Variants in PALM2AKAP2 observed in about 807,000 individuals in gnomAD.
The protein encoded by PALM2AKAP2 is PALM2 and AKAP2 fusion, also known as PALM2-AKAP2 fusion protein.
PALM2AKAP2 carries 37 observed loss-of-function variants against 71.5 expected under a neutral mutation model. The observed-to-expected ratio is 0.52, with a 90% CI of 0.40 to 0.68. The LOEUF (loss-of-function observed/expected upper bound fraction) is 0.68, where lower values mean the gene tolerates loss of function less well. Ranked by LOEUF, PALM2AKAP2 falls within the 30% of genes least tolerant of loss-of-function variation. The pLI is 0.00. For synonymous variants in PALM2AKAP2, 468 were observed against 478.8 expected (o/e 0.98, Z 0.29); for missense variants, 1,224 against 1,191.8 (o/e 1.03, Z -0.40).
At chr9:109,841,238 C>A (rs949416669) in intron 1 of PALM2AKAP2, among the ~76,000 whole-genome samples, 4 of 151,388 alleles carry the variant, frequency 2.6e-5, no homozygotes, top group Non-Finnish European at 4.4e-5. Context: ...AAGCTGGAAA[C>A]CATCATTCTC....
chr9:109,856,034 G>C (rs992358015), intron 1 of PALM2AKAP2, among the ~76,000 whole-genome samples: 3 of 152,110 alleles, frequency 2.0e-5, no homozygotes, highest in African/African-American at 7.2e-5. Flanking sequence ...GCTAACAAGA[G>C]GAAAAACTGT....
At chr9:109,895,986 C>A (rs1009336150) in intron 3 of PALM2AKAP2, among the ~76,000 whole-genome samples, 2 of 152,076 alleles carry the variant, frequency 1.3e-5, no homozygotes, top group African/African-American at 2.4e-5. Flanking sequence ...GAGTTTGAGA[C>A]CAGCTTGGCC....
At chr9:109,779,966 G>A (rs899328896), upstream of PALM2AKAP2, among the ~76,000 whole-genome samples, 2 of 151,952 alleles carry the variant, frequency 1.3e-5, no homozygotes, top group Admixed American at 6.6e-5. Context: ...GTGTCCACGC[G>A]GGCGCGCCAC....
intron 6 of PALM2AKAP2, among the ~76,000 whole-genome samples, chr9:110,003,079 G>C (rs1251167559): frequency 6.6e-6 from 1 of 152,158 alleles, no homozygotes; most frequent in Non-Finnish European, 1.5e-5. Flanking sequence ...GCTAGCTTTT[G>C]AACGTGTTTG....
chr9:110,103,039 C>G (rs552353936), intron 1 of PALM2AKAP2, among the ~76,000 whole-genome samples: 16 of 152,250 alleles, frequency 1.1e-4, no homozygotes, highest in African/African-American at 3.9e-4. Flanking sequence ...TTCTACCCAC[C>G]CTTTGTGACT....
At chr9:109,688,965 C>A (rs7862056) in intron 1 of PALM2AKAP2, among the ~76,000 whole-genome samples, 1 of 152,090 alleles carries the variant, frequency 6.6e-6, no homozygotes, top group Non-Finnish European at 1.5e-5. Context: ...CAGTTGTTAT[C>A]GTCATCTGGG....
rs529989689 is a variant in PALM2AKAP2, at chr9:109,877,557, TA to T, written c.127-2991del. Among the ~76,000 whole-genome samples, 173 of 152,258 alleles carry T rather than the reference TA, an allele frequency of 1.1e-3. 1 individual carries two copies. Among genetic ancestry groups the T allele is most frequent in the African/African-American group, 3.9e-3 (163 of 41,554 alleles). On this transcript the variant is annotated intron_variant, in intron 2 of 9. Coordinates refer to the PALM2AKAP2 transcript ENST00000302798. ...GGTATTTTACTTGTTCTTTCTTAGG[TA>T]AATAAAGCAGAGGCCAAGGGAACAG...
intron 6 of PALM2AKAP2, among the ~76,000 whole-genome samples, chr9:109,997,507 T>C (rs1259572607): frequency 1.3e-5 from 2 of 152,172 alleles, no homozygotes; most frequent in Admixed American, 6.5e-5. Context: ...TATACACATA[T>C]ATATATTTGA....
At chr9:110,117,044 C>T (rs899234260) in intron 1 of PALM2AKAP2, among the ~76,000 whole-genome samples, 9 of 152,174 alleles carry the variant, frequency 5.9e-5, no homozygotes, top group Non-Finnish European at 1.3e-4. Context: ...TACTCTCAAT[C>T]CTTGCTTTTC....
chr9:110,004,886 C>T (rs1832748845), intron 6 of PALM2AKAP2, among the ~76,000 whole-genome samples: 1 of 152,192 alleles, frequency 6.6e-6, no homozygotes, highest in Non-Finnish European at 1.5e-5. Flanking sequence ...CCATCAGGTC[C>T]TTTAAGGACT....
intron 7 of PALM2AKAP2, among the ~76,000 whole-genome samples, chr9:110,041,785 G>C (rs1268630587): frequency 6.6e-6 from 1 of 152,180 alleles, no homozygotes; most frequent in Non-Finnish European, 1.5e-5. Flanking sequence ...TCAAGTAAGG[G>C]CGACTGTGTC....
chr9:109,924,560 A>C (rs1474878255), intron 4 of PALM2AKAP2, among the ~76,000 whole-genome samples: 1 of 152,228 alleles, frequency 6.6e-6, no homozygotes, highest in Non-Finnish European at 1.5e-5. Flanking sequence ...AGATTACGCC[A>C]CTGCACTCCA....
intron 1 of PALM2AKAP2, among the ~76,000 whole-genome samples, chr9:109,856,025 C>A (rs1244761890): frequency 2.0e-5 from 3 of 152,140 alleles, no homozygotes; most frequent in Non-Finnish European, 4.4e-5. Context: ...AAAGATATAG[C>A]TAACAAGAGG....
rs573400840 is a variant in PALM2AKAP2, at chr9:110,086,391, G to A, written c.156+37536G>A. 2.6e-5 allele frequency among the ~76,000 whole-genome samples: 4 copies of A among 152,338 alleles called. No homozygotes were observed. The East Asian group carries it at 7.7e-4, about 29-fold the overall frequency. ...AAGTTAATGTCTATGAGAGCACCCA[G>A]CACATAGTAGGCACTAAATAAATGT... On this transcript the variant is annotated intron_variant, in intron 1 of 3. Coordinates refer to ENST00000374525, the Ensembl canonical transcript of PALM2AKAP2.
At chr9:110,112,383 TCTG>T (rs1835272213) in intron 1 of PALM2AKAP2, among the ~76,000 whole-genome samples, 1 of 152,200 alleles carries the variant, frequency 6.6e-6, no homozygotes, top group African/African-American at 2.4e-5. Flanking sequence ...TTACTTAAGC[TCTG>T]AGCTTCAATG....
intron 6 of PALM2AKAP2, among the ~76,000 whole-genome samples, chr9:109,937,894 T>C (rs913641671): frequency 2.0e-5 from 3 of 152,180 alleles, no homozygotes; most frequent in Non-Finnish European, 4.4e-5. Context: ...TTAAATAAGA[T>C]GAACAAAGGC....
chr9:110,156,924 C>T (rs2119222539), intron 3 of PALM2AKAP2, among the ~76,000 whole-genome samples: 1 of 152,284 alleles, frequency 6.6e-6, no homozygotes, highest in Admixed American at 6.5e-5. Flanking sequence ...AAAGCCGACA[C>T]TCTAGGCAAT....
intron 1 of PALM2AKAP2, among the ~76,000 whole-genome samples, chr9:110,113,285 C>T (rs1410297549): frequency 6.8e-6 from 1 of 148,020 alleles, no homozygotes; most frequent in Non-Finnish European, 1.5e-5. Flanking sequence ...TGTCACCAGG[C>T]TGGAGTGCAG....
intron 1 of PALM2AKAP2, among the ~76,000 whole-genome samples, chr9:109,712,781 T>G (rs1272561502): frequency 6.6e-6 from 1 of 152,194 alleles, no homozygotes; most frequent in Non-Finnish European, 1.5e-5. Flanking sequence ...CCCATTTAGG[T>G]GGTCTCCAGC....
Sources: gnomAD v4.1 joint callset for allele counts (sites outside exome capture counted in the v4.1 genomes callset) on GRCh38, gnomAD v4.1.1 for gene constraint, MANE v1.5 for transcripts, NCBI Gene and HGNC (gene_info 2026-07-23, HGNC 2026-07-21) for gene names.